Variants in HERC4 observed in about 807,000 individuals in gnomAD.
HERC4 encodes the protein HECT and RLD domain containing E3 ubiquitin protein ligase 4, also known as probable E3 ubiquitin-protein ligase HERC4.
HERC4 carries 28 observed loss-of-function variants against 124.3 expected under a neutral mutation model. The observed-to-expected ratio is 0.23, with a 90% CI of 0.17 to 0.31. HERC4 has a LOEUF of 0.31. Among genes scored for constraint, HERC4 ranks in the 10% least tolerant of loss-of-function variants. The pLI is 1.00. For synonymous variants in HERC4, 407 were observed against 421.5 expected (o/e 0.97, Z 0.42); for missense variants, 713 against 1,229.3 (o/e 0.58, Z 6.28).
Position 67,932,778 on chromosome 10 carries a change from T to C in HERC4, c.2657A>G (p.Gln886Arg). The change falls in exon 23 of 25, where the codon CAA (glutamine) becomes CGA (arginine). Residue 886 changes from glutamine to arginine, a missense_variant and splice_region_variant. Transcript: ENST00000373700. The part of the protein sequence containing the change: ...ADTAVNKQNR[Q>R]EFVDAYVDYI... ...ATCCACATAAGCATCGACAAACTCTTGCCTAGAAATGAAAAAGCACACATG... is the reference window on the plus strand; with the variant it reads ...ATCCACATAAGCATCGACAAACTCTCGCCTAGAAATGAAAAAGCACACATG... 1 of 1,588,540 alleles carries C rather than the reference T, an allele frequency of 6.3e-7. No homozygotes were observed.
intron 19 of HERC4, among the ~76,000 whole-genome samples, chr10:67,944,574 C>A (rs1287561446): frequency 6.6e-6 from 1 of 152,162 alleles, no homozygotes; most frequent in Non-Finnish European, 1.5e-5. Context: ...ACATCACAAC[C>A]ACCCAGGAAA....
intron 16 of HERC4, 47 bp from the exon 17 acceptor site, chr10:67,957,023 A>G: frequency 9.2e-7 from 1 of 1,083,418 alleles, no homozygotes. Flanking sequence ...TTTGTGATAT[A>G]CTTACTGTGG....
At chr10:68,066,119 C>A (rs924281194) in intron 3 of HERC4, among the ~76,000 whole-genome samples, 1 of 152,156 alleles carries the variant, frequency 6.6e-6, no homozygotes, top group Non-Finnish European at 1.5e-5. Flanking sequence ...TTTGAGTACA[C>A]CTCCTCTATT....
intron 9 of HERC4, 131 bp from the exon 10 acceptor site, chr10:67,992,813 A>C: frequency 1.7e-6 from 1 of 589,568 alleles, no homozygotes; most frequent in Non-Finnish European, 3.0e-6. Flanking sequence ...CATGGTATAA[A>C]GTGACTTGAA....
At chr10:67,990,099 TA>T in intron 14 of HERC4, 111 bp downstream of exon 14, 1 of 781,220 alleles carries the variant, frequency 1.3e-6, no homozygotes, top group Non-Finnish European at 2.0e-6. Context: ...CATTTTTGCC[TA>T]AGACAGTGTC....
chr10:68,010,021 T>C (rs2037843863), intron 9 of HERC4, among the ~76,000 whole-genome samples: 2 of 152,120 alleles, frequency 1.3e-5, no homozygotes. Context: ...ATCAAGAGCA[T>C]CACCGAACTT....
chr10:67,951,668 C>T (rs2033803335), intron 19 of HERC4, among the ~76,000 whole-genome samples: 2 of 152,168 alleles, frequency 1.3e-5, no homozygotes, highest in African/African-American at 2.4e-5. Context: ...CATATGATTG[C>T]GTCTAGAGCT....
intron 3 of HERC4, among the ~76,000 whole-genome samples, chr10:68,052,454 A>G (rs2040362338): frequency 6.6e-6 from 1 of 152,192 alleles, no homozygotes; most frequent in African/African-American, 2.4e-5. Context: ...GTGTCCTTCC[A>G]ATCACCTTTG....
intron 16 of HERC4, among the ~76,000 whole-genome samples, chr10:67,962,450 C>G (rs1213804960): frequency 6.6e-6 from 1 of 152,008 alleles, no homozygotes; most frequent in Non-Finnish European, 1.5e-5. Context: ...TATAGTGCGA[C>G]TAACCCATAC....
intron 9 of HERC4, among the ~76,000 whole-genome samples, chr10:68,008,922 A>G (rs2037755918): frequency 6.6e-6 from 1 of 152,212 alleles, no homozygotes; most frequent in Non-Finnish European, 1.5e-5. Context: ...AGTGCACATA[A>G]AAGTATGTTT....
chr10:68,003,441 G>A (rs1282238730), intron 9 of HERC4, among the ~76,000 whole-genome samples: 1 of 151,354 alleles, frequency 6.6e-6, no homozygotes, highest in Non-Finnish European at 1.5e-5. Flanking sequence ...CCAAAGTGCT[G>A]GGATTACAGG....
At chr10:67,989,724 AAG>A (rs1203961410) in intron 14 of HERC4, among the ~76,000 whole-genome samples, 2 of 152,044 alleles carry the variant, frequency 1.3e-5, no homozygotes, top group Non-Finnish European at 2.9e-5. Flanking sequence ...CCAGAACAGT[AAG>A]AGATAGAAGT....
At chr10:68,031,386 G>C (rs1462626222) in intron 7 of HERC4, among the ~76,000 whole-genome samples, 1 of 152,032 alleles carries the variant, frequency 6.6e-6, no homozygotes, top group African/African-American at 2.4e-5. Context: ...AAAAGGACGA[G>C]TAAAATTTAA....
At chr10:67,959,662 T>C (rs2034377837) in intron 16 of HERC4, among the ~76,000 whole-genome samples, 1 of 152,064 alleles carries the variant, frequency 6.6e-6, no homozygotes, top group African/African-American at 2.4e-5. Context: ...ACATAAGGTA[T>C]CTTACATTAA....
chr10:68,032,967 G>C, intron 6 of HERC4, 98 bp from the exon 7 acceptor site: 1 of 672,472 alleles, frequency 1.5e-6, no homozygotes, highest in Non-Finnish European at 2.7e-6. Context: ...AGATAGTTGT[G>C]ACTAAATAAT....
chr10:67,949,794 G>T (rs552452691), intron 19 of HERC4, among the ~76,000 whole-genome samples: 88 of 152,280 alleles, frequency 5.8e-4, no homozygotes, highest in African/African-American at 1.9e-3. Flanking sequence ...GAGGCAGGTG[G>T]ATCACTTGAG....
chr10:67,988,877 A>T lies in HERC4; in HGVS notation c.1634-42T>A, dbSNP rs754087269. ...AACATGCAAATAAAATGAATTTTTTAAAAAATCACAATTTTCAAAATCATA... is the reference window on the plus strand; with the variant it reads ...AACATGCAAATAAAATGAATTTTTTTAAAAATCACAATTTTCAAAATCATA... On this transcript the variant is annotated intron_variant, in intron 14 of 24. Transcript: ENST00000373700. 1.6e-5 allele frequency: 23 copies of T among 1,481,676 alleles called. No individual in the cohort carries two copies. In the Admixed American group the frequency reaches 2.3e-4, roughly 15 times the overall value. The allele number at this position is 1,481,676 out of a possible 1,614,324, so 91.8% of individuals were successfully genotyped here. A position where few individuals can be genotyped will look rare whatever the true frequency, so the allele number is the denominator to read the frequency against.
At chr10:68,003,961 T>C (rs936665026) in intron 9 of HERC4, among the ~76,000 whole-genome samples, 6 of 152,182 alleles carry the variant, frequency 3.9e-5, no homozygotes, top group African/African-American at 1.2e-4. Flanking sequence ...TAATTTACAA[T>C]CCCACCAACT....
chr10:68,046,711 A>G (rs2133534341), intron 3 of HERC4, among the ~76,000 whole-genome samples: 1 of 152,378 alleles, frequency 6.6e-6, no homozygotes, highest in African/African-American at 2.4e-5. Flanking sequence ...TCACATCTAT[A>G]ATCCCAGCAC....
Sources: gnomAD v4.1 joint callset for allele counts (sites outside exome capture counted in the v4.1 genomes callset) on GRCh38, gnomAD v4.1.1 for gene constraint, MANE v1.5 for transcripts, NCBI Gene and HGNC (gene_info 2026-07-23, HGNC 2026-07-21) for gene names.